NUCB2: variants seen among roughly 807,000 people sequenced by gnomAD.
NUCB2 encodes nucleobindin 2.
Under a neutral mutation model 57.9 loss-of-function variants are expected in NUCB2, and 48 were observed. The observed-to-expected ratio is 0.83, with a 90% CI of 0.66 to 1.05. The LOEUF (loss-of-function observed/expected upper bound fraction) is 1.05, where lower values mean the gene tolerates loss of function less well. NUCB2 is among the 50% of genes least tolerant of loss of function. NUCB2 has a pLI of 0.00. For missense variants in NUCB2, 442 were observed against 476.2 expected (o/e 0.93, Z 0.67); for synonymous variants, 139 against 152.1 (o/e 0.91, Z 0.64).
chr11:17,345,469 G>A (rs928661118), intron 2 of NUCB2, among the ~76,000 whole-genome samples: 11 of 152,326 alleles, frequency 7.2e-5, no homozygotes, highest in African/African-American at 2.6e-4. Context: ...AGTACTTTGG[G>A]AGGCCAAGGC....
chr11:17,317,872 C>T (rs928248787), intron 11 of NUCB2, among the ~76,000 whole-genome samples: 88 of 150,770 alleles, frequency 5.8e-4, no homozygotes, highest in African/African-American at 2.0e-3. Context: ...CAGACCAGGT[C>T]TCACTATATT....
intron 2 of NUCB2, among the ~76,000 whole-genome samples, chr11:17,340,054 A>G (rs940368061): frequency 2.0e-5 from 3 of 152,190 alleles, no homozygotes; most frequent in African/African-American, 7.2e-5. Flanking sequence ...TCTAACTGGT[A>G]TAAGATGGTA....
At chr11:17,281,529 T>TA (rs368560667) in intron 1 of NUCB2, among the ~76,000 whole-genome samples, 140 of 152,338 alleles carry the variant, frequency 9.2e-4, no homozygotes, top group Non-Finnish European at 1.8e-3. Context: ...ATTGAGCAAT[T>TA]ACCATTGTCA....
At chr11:17,284,326 A>G (rs1943252948) in intron 2 of NUCB2, among the ~76,000 whole-genome samples, 1 of 152,020 alleles carries the variant, frequency 6.6e-6, no homozygotes. Flanking sequence ...CCCCTTCCAG[A>G]CTTTTCTTTG....
intron 1 of NUCB2, 53 bp downstream of exon 1, chr11:17,276,881 G>A (rs1255638294): frequency 2.0e-5 from 3 of 152,386 alleles, no homozygotes; most frequent in African/African-American, 7.2e-5. Flanking sequence ...GGAGATTAGG[G>A]GTGGGGGAGT....
At chr11:17,312,426 C>T (rs1288208519) in intron 10 of NUCB2, among the ~76,000 whole-genome samples, 4 of 149,010 alleles carry the variant, frequency 2.7e-5, no homozygotes, top group Admixed American at 2.0e-4. Flanking sequence ...TTTTTTGAGA[C>T]GGAGTCTCAC....
At chr11:17,335,664 G>T (rs1221497505), downstream of NUCB2, among the ~76,000 whole-genome samples, 1 of 152,118 alleles carries the variant, frequency 6.6e-6, no homozygotes, top group East Asian at 1.9e-4. Flanking sequence ...ACCGTGCCTG[G>T]CTACTTTTTG....
At chr11:17,308,790 T>C (rs1948069849) in intron 5 of NUCB2, among the ~76,000 whole-genome samples, 1 of 152,142 alleles carries the variant, frequency 6.6e-6, no homozygotes, top group Non-Finnish European at 1.5e-5. Flanking sequence ...TAAAAGGAAA[T>C]TTACCTAAAT....
chr11:17,334,447 C>A (rs867522830), downstream of NUCB2: 1 of 152,284 alleles, frequency 6.6e-6, no homozygotes, highest in African/African-American at 2.4e-5. Flanking sequence ...CTGCCTCTGT[C>A]CCCACGTTAC....
chr11:17,288,882 T>TACACAC (rs1167995024), intron 2 of NUCB2, among the ~76,000 whole-genome samples: 943 of 44,390 alleles, frequency 0.021, 29 homozygotes, highest in Non-Finnish European at 0.027. Context: ...AACATGTATA[T>TACACAC]ACACACACAC....
chr11:17,334,674 T>A (rs571454157), downstream of NUCB2, among the ~76,000 whole-genome samples: 59 of 152,252 alleles, frequency 3.9e-4, no homozygotes, highest in African/African-American at 1.3e-3. Flanking sequence ...TCACCTGAGG[T>A]TAGGAGTTCC....
At chr11:17,311,045 T>C in intron 7 of NUCB2, 35 bp downstream of exon 7, 1 of 1,512,802 alleles carries the variant, frequency 6.6e-7, no homozygotes, top group Middle Eastern at 1.8e-4. Flanking sequence ...CATTTTTAGA[T>C]AAAGATACTT....
chr11:17,311,088 G>A, intron 7 of NUCB2, 78 bp downstream of exon 7: 2 of 1,405,316 alleles, frequency 1.4e-6, no homozygotes, highest in Non-Finnish European at 9.7e-7. Flanking sequence ...TGTGTTATTA[G>A]TACTTAAATC....
chr11:17,316,578 A>G (rs1027766370), intron 11 of NUCB2, among the ~76,000 whole-genome samples: 6 of 152,188 alleles, frequency 3.9e-5, no homozygotes, highest in Admixed American at 2.6e-4. Flanking sequence ...ATTAACTCCC[A>G]GGAATAGAAC....
downstream of NUCB2, among the ~76,000 whole-genome samples, chr11:17,336,102 C>A (rs1951781494): frequency 6.6e-6 from 1 of 151,856 alleles, no homozygotes; most frequent in South Asian, 2.1e-4. Context: ...GTCACCACAC[C>A]CAGCTAATTT....
At chr11:17,312,697 G>A (rs938920338) in intron 10 of NUCB2, among the ~76,000 whole-genome samples, 1 of 150,976 alleles carries the variant, frequency 6.6e-6, no homozygotes, top group Non-Finnish European at 1.5e-5. Context: ...TTACAGGCAT[G>A]AGCCACTGGC....
At chr11:17,331,135 A>G (rs1484259902) in intron 13 of NUCB2, 152 bp downstream of exon 13, 2 of 640,464 alleles carry the variant, frequency 3.1e-6, no homozygotes, top group Non-Finnish European at 5.2e-6. Flanking sequence ...GATTATAGAA[A>G]AATGAAAATG....
chr11:17,326,490 T>G (rs1950703317), intron 11 of NUCB2, among the ~76,000 whole-genome samples: 1 of 150,614 alleles, frequency 6.6e-6, no homozygotes. Flanking sequence ...GCTAATTTTT[T>G]GTATTTTTAA....
At chr11:17,317,817 G>A (rs1949459890) in intron 11 of NUCB2, 1 of 171,986 alleles carries the variant, frequency 5.8e-6, no homozygotes, top group Non-Finnish European at 1.3e-5. Context: ...GCCCACCATA[G>A]TGAGAGAATC....
Sources: allele counts gnomAD v4.1 joint callset (sites outside exome capture counted in the v4.1 genomes callset), GRCh38; gene constraint gnomAD v4.1.1; transcripts MANE v1.5; gene names NCBI Gene and HGNC (gene_info 2026-07-23, HGNC 2026-07-21).